Variants in CFAP44 observed in about 807,000 individuals in gnomAD.
The protein encoded by CFAP44 is cilia and flagella associated protein 44.
In CFAP44, 134 loss-of-function variants were observed where a neutral mutation model predicts 216.2. That is an observed-to-expected ratio of 0.62 (90% CI 0.54 to 0.72). The LOEUF (loss-of-function observed/expected upper bound fraction) is 0.72. Among genes scored for constraint, CFAP44 ranks in the 30% least tolerant of loss-of-function variants. The probability of loss-of-function intolerance (pLI) is 0.00; values close to 1 mark genes in which losing one functional copy is unlikely to be tolerated. For synonymous variants in CFAP44, 700 were observed against 727.6 expected, an observed-to-expected ratio of 0.96 and a Z score of 0.61; for missense variants, 2,035 against 2,182.1, an observed-to-expected ratio of 0.93 and a Z score of 1.34.
At chr3:113,383,349 T>C (rs575921598) in intron 15 of CFAP44, among the ~76,000 whole-genome samples, 16 of 152,298 alleles carry the variant, frequency 1.1e-4, no homozygotes, top group African/African-American at 3.4e-4. Flanking sequence ...ATGGTGGTCT[T>C]GTATGCTCAC....
In CFAP44 at chr3:113,333,602, A is replaced by AC. The variant is rs148985133; in HGVS notation, c.3438-20dup. The AC allele has an allele frequency of 1.1e-4, 162 of 1,483,894 alleles. No individual in the cohort carries two copies. Among genetic ancestry groups the AC allele is most frequent in the South Asian group, 7.0e-4 (52 of 74,032 alleles). The allele number at this position is 1,483,894 out of a possible 1,614,324, so 91.9% of individuals were successfully genotyped here. ...CTTGTATCTATTAGAAAAACAGACA[A>AC]CCCCCCCACACACAAATATGACAAT... On this transcript the variant is annotated intron_variant, in intron 24 of 34. Coordinates refer to ENST00000393845, the MANE Select transcript of CFAP44 (RefSeq NM_001164496.2).
rs1934654937 is a variant in CFAP44 at position 113,416,617 on chromosome 3, T to C, written c.581A>G (p.His194Arg). ...TTCAGCTACTGTGAAATAAGTTTTA[T>C]GTGGATGAACCTACAAAAGATAAAA... ...EGIGVIGVHP[H>R]KTYFTVAEKG... The change falls in exon 6 of 35, where the codon CAT becomes CGT. Residue 194 changes from histidine (H) to arginine (R), a missense_variant. By Grantham distance (29) the His-to-Arg change is conservative. This residue lies in a region of CFAP44 where 1,883 missense variants were observed against 2,023.7 expected (regional missense o/e 0.93). Coordinates refer to ENST00000393845, the MANE Select transcript of CFAP44 (RefSeq NM_001164496.2). The C allele has an allele frequency of 1.2e-6, 2 of 1,607,416 alleles. No homozygotes were observed. The highest frequency in any genetic ancestry group is 1.7e-6 in the Non-Finnish European group (2 of 1,176,042).
At position 113,395,797 on chromosome 3, in the gene CFAP44, T is replaced by C; in HGVS notation, c.1843A>G (p.Asn615Asp). Residue 615 changes from asparagine (N) to aspartate (D), a missense_variant, in exon 15 of 35, where the codon AAT (asparagine) becomes GAT (aspartate). Transcript: ENST00000393845. ...AACTGACACACAGGTCCAGGAGTATTAATATAACCAATCGGCTTATAATCC... is the reference window on the plus strand; with the variant it reads ...AACTGACACACAGGTCCAGGAGTATCAATATAACCAATCGGCTTATAATCC... Reference protein sequence around the residue: ...ERDYKPIGYINTPGPVCQLMW... With the variant: ...ERDYKPIGYIDTPGPVCQLMW... 1 of 1,613,856 alleles carries C rather than the reference T, an allele frequency of 6.2e-7. No individual in the cohort carries two copies. The highest frequency in any genetic ancestry group is 8.5e-7 in the Non-Finnish European group (1 of 1,179,894).
At chr3:113,427,837 T>A (rs1407723541) in intron 2 of CFAP44, among the ~76,000 whole-genome samples, 3 of 151,920 alleles carry the variant, frequency 2.0e-5, no homozygotes, top group Non-Finnish European at 4.4e-5. Context: ...AACATTCAGA[T>A]CAAGTGCAAA....
chr3:113,341,794 A>C lies in CFAP44; in HGVS notation c.3387T>G (p.Ala1129=). ...IEKTRKLILK[A]ERAQLKIQQR... is the part of the protein sequence containing the mutation. Reference sequence around the variant, plus strand: ...GTTGAATCTTTAGTTGTGCCCTTTCAGCTTTTAATATAAGTTTTCTCGTTT... The same window carrying C: ...GTTGAATCTTTAGTTGTGCCCTTTCCGCTTTTAATATAAGTTTTCTCGTTT... Residue 1129 remains alanine (A), a synonymous_variant, in exon 24 of 35, where the codon GCT becomes GCG. Coordinates refer to ENST00000393845, the MANE Select transcript of CFAP44 (RefSeq NM_001164496.2). The C allele has an allele frequency of 6.5e-7, 1 of 1,526,826 alleles. No homozygotes were observed. Among genetic ancestry groups the C allele is most frequent in the African/African-American group, 1.4e-5 (1 of 72,188 alleles). 94.6% of individuals were successfully genotyped at this position (1,526,826 alleles called of 1,614,324 possible).
chr3:113,352,294 A>G (rs1031065789), intron 22 of CFAP44, among the ~76,000 whole-genome samples: 1 of 152,222 alleles, frequency 6.6e-6, no homozygotes, highest in South Asian at 2.1e-4. Context: ...TGGCCACCCC[A>G]GCCAGCAGCA....
In CFAP44 at chr3:113,436,223, A is replaced by G. The variant is rs559689047; in HGVS notation, c.-5-2554T>C. On this transcript the variant is annotated intron_variant, in intron 1 of 34. Transcript: ENST00000393845. The stretch of plus-strand genomic sequence containing the variant: ...ACAGACTTGCTTTCTATGTTACTCT[A>G]CAGTGAGTAACTGTTTTTTTTTTTA... 2.7e-5 allele frequency among the ~76,000 whole-genome samples: 4 copies of G among 150,732 alleles called. No homozygotes were observed. In the East Asian group the frequency reaches 7.8e-4, roughly 29 times the overall value.
At chr3:113,305,178 T>C in intron 30 of CFAP44, 26 bp from the exon 31 acceptor site, 3 of 1,521,710 alleles carry the variant, frequency 2.0e-6, no homozygotes, top group Non-Finnish European at 2.6e-6. Context: ...TGTTGTGAAA[T>C]GGTGACAAGA....
intron 31 of CFAP44, 89 bp downstream of exon 31, chr3:113,304,947 C>T (rs1949971088): frequency 8.7e-7 from 1 of 1,149,816 alleles, no homozygotes; most frequent in Admixed American, 2.2e-5. Flanking sequence ...ACGATTCTCC[C>T]CATTAGTGAA....
intron 22 of CFAP44, among the ~76,000 whole-genome samples, chr3:113,350,302 GAA>G (rs1386481448): frequency 6.6e-6 from 1 of 151,832 alleles, no homozygotes; most frequent in Non-Finnish European, 1.5e-5. Context: ...GAGGAAGAAA[GAA>G]AGAGACAGAA....
rs756141951 is a variant in CFAP44 at position 113,400,583 on chromosome 3, G to C, written c.1436C>G (p.Ser479Cys). Residue 479 changes from serine to cysteine, a missense_variant, in exon 12 of 35, where the codon TCT (serine) becomes TGT (cysteine). This residue lies in a region of CFAP44 where 1,883 missense variants were observed against 2,023.7 expected (regional missense o/e 0.93). Coordinates refer to ENST00000393845, the MANE Select transcript of CFAP44 (RefSeq NM_001164496.2). ...TGTGGCCATGAGATAAGTGAGAGGAGAAACAGCCACGGCTTCAATAGCTCC... is the reference window on the plus strand; with the variant it reads ...TGTGGCCATGAGATAAGTGAGAGGACAAACAGCCACGGCTTCAATAGCTCC... ...HSGAIEAVAV[S>C]PLTYLMATTA... The C allele has an allele frequency of 1.2e-6, 2 of 1,610,738 alleles. No individual in the cohort carries two copies. Among genetic ancestry groups the C allele is most frequent in the Non-Finnish European group, 1.7e-6 (2 of 1,178,336 alleles).
At chr3:113,418,262 T>G (rs995126490) in intron 5 of CFAP44, among the ~76,000 whole-genome samples, 3 of 151,966 alleles carry the variant, frequency 2.0e-5, no homozygotes, top group Admixed American at 1.3e-4. Context: ...AATTTTTGTA[T>G]TTTTAGTAGA....
intron 4 of CFAP44, among the ~76,000 whole-genome samples, chr3:113,424,849 T>A (rs1178668922): frequency 6.6e-6 from 1 of 152,248 alleles, no homozygotes. Flanking sequence ...TAGGCATATT[T>A]GTCTAATACA....
In CFAP44 at chr3:113,289,091, C is replaced by T. The variant is rs1949803652; in HGVS notation, c.*2466G>A. On this transcript the variant is annotated 3_prime_UTR_variant, in exon 35 of 35. Coordinates refer to ENST00000393845, the MANE Select transcript of CFAP44 (RefSeq NM_001164496.2). ...CCAGCCACCCTGCCCATGCCACACC[C>T]TGCTGGTCTACTTGTGTTTGAAGCT... 6.6e-6 allele frequency: 1 copy of T among 152,218 alleles called. No homozygotes were observed. Among genetic ancestry groups the T allele is most frequent in the African/African-American group, 2.4e-5 (1 of 41,452 alleles). The allele number at this position is 152,218 out of a possible 1,614,324, so 9.4% of individuals were successfully genotyped here.
In CFAP44 at chr3:113,401,159, A is replaced by T. The variant is rs1162199993; in HGVS notation, c.1374+81T>A. 4.6e-6 allele frequency: 6 copies of T among 1,301,788 alleles called. No homozygotes were observed. The Admixed American group carries it at 1.5e-4, about 32-fold the overall frequency. The allele number at this position is 1,301,788 out of a possible 1,614,324, so 80.6% of individuals were successfully genotyped here. A position where few individuals can be genotyped will look rare whatever the true frequency, so the allele number is the denominator to read the frequency against. On this transcript the variant is annotated intron_variant, in intron 11 of 34. Coordinates refer to ENST00000393845, the MANE Select transcript of CFAP44 (RefSeq NM_001164496.2). ...GAGGACCATGATGAAATATGGAGAA[A>T]GATAAAGAATACTTTAAAGACAAAT...
chr3:113,308,577 T>A (rs370752390), intron 28 of CFAP44, among the ~76,000 whole-genome samples: 29 of 143,010 alleles, frequency 2.0e-4, no homozygotes, highest in Non-Finnish European at 3.4e-4. Flanking sequence ...CAGACAAAAA[T>A]TTTTTTTTCT....
intron 33 of CFAP44, among the ~76,000 whole-genome samples, chr3:113,295,853 T>C (rs1949874601): frequency 6.6e-6 from 1 of 152,198 alleles, no homozygotes; most frequent in Admixed American, 6.5e-5. Context: ...GTAATACAAT[T>C]CAAGCCTGAG....
At chr3:113,364,943 A>AT (rs1448087711) in intron 19 of CFAP44, among the ~76,000 whole-genome samples, 1 of 151,474 alleles carries the variant, frequency 6.6e-6, no homozygotes, top group Admixed American at 6.6e-5. Context: ...AATCTTTCTC[A>AT]TTTTTTCTTT....
chr3:113,353,872 A>G (rs975142350), intron 22 of CFAP44, among the ~76,000 whole-genome samples: 3 of 152,186 alleles, frequency 2.0e-5, no homozygotes, highest in Admixed American at 6.5e-5. Context: ...GAAGGAGTCT[A>G]TCTGAGGCTG....
Sources: gnomAD v4.1 joint callset for allele counts (sites outside exome capture counted in the v4.1 genomes callset) on GRCh38, gnomAD v4.1.1 for gene constraint, gnomAD v4.1.1 regional missense constraint, MANE v1.5 for transcripts, NCBI Gene and HGNC (gene_info 2026-07-23, HGNC 2026-07-21) for gene names.